LRRC37B: variants seen among roughly 807,000 people sequenced by gnomAD.
The protein encoded by LRRC37B is leucine-rich repeat-containing protein 37B.
Under a neutral mutation model 98.3 loss-of-function variants are expected in LRRC37B, and 28 were observed. The ratio of observed to expected loss-of-function variants is 0.28; its 90% CI spans 0.21 to 0.39. LRRC37B has a LOEUF of 0.39. LRRC37B is among the 10% of genes least tolerant of loss of function. The pLI is 1.00. For missense variants in LRRC37B, 938 were observed against 1,182.7 expected (o/e 0.79, Z 3.03); for synonymous variants, 364 against 442.7 (o/e 0.82, Z 2.23).
At chr17:32,038,216 T>C (rs1911308044) in intron 7 of LRRC37B, among the ~76,000 whole-genome samples, 1 of 152,142 alleles carries the variant, frequency 6.6e-6, no homozygotes, top group African/African-American at 2.4e-5. Context: ...TCCCAGCACA[T>C]TGGGAGGCTG....
chr17:32,038,944 T>G lies in LRRC37B; in HGVS notation c.2204+3305T>G, dbSNP rs552347217. Among the ~76,000 whole-genome samples the G allele has an allele frequency of 5.3e-5, 8 of 152,320 alleles. No individual in the cohort carries two copies. The South Asian group carries it at 1.7e-3, about 32-fold the overall frequency. ...ATTTTGATCAGCTTTAAGTTAGCAA[T>G]TTTTTCTTATATGGCTTGTGCTTTT... On this transcript the variant is annotated intron_variant, in intron 7 of 11. Transcript: ENST00000327564.
chr17:32,048,891 C>T lies in LRRC37B; in HGVS notation c.2465-211C>T, dbSNP rs569870162. 52 of 1,512,164 alleles carry T rather than the reference C, an allele frequency of 3.4e-5. 1 individual carries two copies. In the South Asian group the frequency reaches 5.7e-4, roughly 16 times the overall value. The allele number at this position is 1,512,164 out of a possible 1,614,324, so 93.7% of individuals were successfully genotyped here. On this transcript the variant is annotated intron_variant, in intron 9 of 11. Transcript: ENST00000327564. ...GAAAACACTAGTGTAAAAGACACAACTAATGTAAAAGACACAAAAGAGATG... is the reference window on the plus strand; with the variant it reads ...GAAAACACTAGTGTAAAAGACACAATTAATGTAAAAGACACAAAAGAGATG...
At chr17:32,033,819 A>C (rs2045868456) in intron 5 of LRRC37B, among the ~76,000 whole-genome samples, 1 of 152,246 alleles carries the variant, frequency 6.6e-6, no homozygotes, top group African/African-American at 2.4e-5. Flanking sequence ...ATTTTGGAAT[A>C]AAAATTCACA....
intron 1 of LRRC37B, among the ~76,000 whole-genome samples, chr17:32,009,982 A>G (rs1017491306): frequency 6.6e-6 from 1 of 152,034 alleles, no homozygotes; most frequent in Non-Finnish European, 1.5e-5. Flanking sequence ...TTCTTTATAT[A>G]TTTTGGATAT....
intron 5 of LRRC37B, 142 bp from the exon 9 acceptor site, chr17:32,034,768 G>A: frequency 1.7e-6 from 1 of 578,798 alleles, no homozygotes. Context: ...GTGCTTTATG[G>A]AGTCTAATGG....
intron 4 of LRRC37B, 119 bp from the exon 8 acceptor site, chr17:32,031,259 C>T: frequency 1.4e-6 from 2 of 1,466,086 alleles, no homozygotes; most frequent in Non-Finnish European, 1.8e-6. Flanking sequence ...AGTGAGATTG[C>T]CTTAGTGCAC....
intron 1 of LRRC37B, among the ~76,000 whole-genome samples, chr17:32,014,597 A>G (rs961157539): frequency 2.0e-5 from 3 of 152,218 alleles, no homozygotes; most frequent in African/African-American, 7.2e-5. Flanking sequence ...ATCTGGGAAA[A>G]TTTTAAAACA....
chr17:32,024,148 A>C (rs1910879998), intron 1 of LRRC37B, among the ~76,000 whole-genome samples: 1 of 151,908 alleles, frequency 6.6e-6, no homozygotes, highest in Admixed American at 6.6e-5. Context: ...CCATATGTAG[A>C]GTGCCCAAAA....
At chr17:32,021,087 C>T (rs1043721183) in exon 1 of LRRC37B, 1 of 1,613,672 alleles carries the variant, frequency 6.2e-7, no homozygotes. Flanking sequence ...TTATAAGGGG[C>T]ATGAGCATCT....
At chr17:32,010,100 G>A (rs1910492949) in intron 1 of LRRC37B, among the ~76,000 whole-genome samples, 1 of 152,120 alleles carries the variant, frequency 6.6e-6, no homozygotes, top group Non-Finnish European at 1.5e-5. Context: ...TTTAAATTTG[G>A]ATGAAGTCTG....
exon 1 of LRRC37B, chr17:32,021,564 C>A: frequency 6.2e-7 from 1 of 1,614,150 alleles, no homozygotes; most frequent in Non-Finnish European, 8.5e-7. Context: ...GCTTCTCAAC[C>A]GGGATCAGAA....
intron 8 of LRRC37B, 23 bp downstream of exon 11, chr17:32,045,841 T>A (rs1911562638): frequency 6.3e-7 from 1 of 1,589,942 alleles, no homozygotes; most frequent in African/African-American, 1.3e-5. Flanking sequence ...TGCCTGGTGA[T>A]AAATTGTTAC....
chr17:32,008,522 T>C (rs1303921618), intron 1 of LRRC37B, among the ~76,000 whole-genome samples: 1 of 152,214 alleles, frequency 6.6e-6, no homozygotes, highest in African/African-American at 2.4e-5. Context: ...GCCTCTTGTT[T>C]TGCAAACCTC....
intron 6 of LRRC37B, among the ~76,000 whole-genome samples, 182 bp from the exon 10 acceptor site, chr17:32,035,383 C>T (rs560056820): frequency 1.7e-4 from 26 of 152,130 alleles, no homozygotes; most frequent in African/African-American, 5.1e-4. Flanking sequence ...AATTTGATGA[C>T]GTAGATCAAC....
intron 3 of LRRC37B, among the ~76,000 whole-genome samples, chr17:32,030,029 T>C (rs1175242634): frequency 1.3e-5 from 2 of 151,970 alleles, no homozygotes; most frequent in East Asian, 3.9e-4. Context: ...CCAGACAACG[T>C]TACACCATCC....
intron 2 of LRRC37B, among the ~76,000 whole-genome samples, chr17:32,025,881 C>T (rs1004045566): frequency 6.6e-6 from 1 of 152,194 alleles, no homozygotes; most frequent in African/African-American, 2.4e-5. Context: ...TTTCCCCACA[C>T]CTTTTCACTG....
intron 11 of LRRC37B, 157 bp from the exon 15 acceptor site, chr17:32,053,109 A>C (rs1172322000): frequency 1.6e-6 from 1 of 644,630 alleles, no homozygotes; most frequent in Non-Finnish European, 2.8e-6. Flanking sequence ...TGAACTGTGG[A>C]AGAATCAAAG....
intron 7 of LRRC37B, among the ~76,000 whole-genome samples, chr17:32,039,414 T>C (rs1207837777): frequency 3.6e-5 from 5 of 138,150 alleles, no homozygotes; most frequent in African/African-American, 1.4e-4. Context: ...GAGGTAGAGG[T>C]TGCAGTGAGC....
intron 7 of LRRC37B, among the ~76,000 whole-genome samples, chr17:32,039,392 G>A (rs1390932856): frequency 1.4e-5 from 2 of 145,200 alleles, no homozygotes; most frequent in African/African-American, 2.6e-5. Flanking sequence ...CGGGGGTATC[G>A]CTTGAACCCA....
Sources: allele counts gnomAD v4.1 joint callset (sites outside exome capture counted in the v4.1 genomes callset), GRCh38; gene constraint gnomAD v4.1.1; transcripts MANE v1.5; gene names NCBI Gene and HGNC (gene_info 2026-07-23, HGNC 2026-07-21).